PPARGC1A: variants seen among roughly 807,000 people sequenced by gnomAD.
PPARGC1A encodes peroxisome proliferator-activated receptor gamma coactivator 1-alpha.
A neutral mutation model predicts 88.7 loss-of-function variants in PPARGC1A; 25 were observed. The ratio of observed to expected loss-of-function variants is 0.28; its 90% CI spans 0.21 to 0.39. The LOEUF is 0.39. PPARGC1A is among the 10% of genes least tolerant of loss of function. PPARGC1A has a pLI of 1.00. For missense variants in PPARGC1A, 880 were observed against 968.7 expected (o/e 0.91, Z 1.22); for synonymous variants, 363 against 355.6 (o/e 1.02, Z -0.24).
intron 2 of PPARGC1A, among the ~76,000 whole-genome samples, chr4:23,877,339 AC>A (rs2148803375): frequency 7.2e-6 from 1 of 138,296 alleles, no homozygotes; most frequent in African/African-American, 2.7e-5. Flanking sequence ...ACACGGGGAA[AC>A]CCCGTCTCTA....
At chr4:24,030,968 A>C in the PPARGC1A span, among the ~76,000 whole-genome samples, 1 of 152,170 alleles carries the variant, frequency 6.6e-6, no homozygotes, top group Non-Finnish European at 1.5e-5. Context: ...GGAAGCAGAC[A>C]GATATGCAGA....
At chr4:23,976,360 G>A in the PPARGC1A span, among the ~76,000 whole-genome samples, 1 of 152,344 alleles carries the variant, frequency 6.6e-6, no homozygotes, top group Admixed American at 6.5e-5. Context: ...ATATTAAAAG[G>A]AGGGTGAGGG....
At chr4:24,294,129 C>T in the PPARGC1A span, among the ~76,000 whole-genome samples, 3 of 152,120 alleles carry the variant, frequency 2.0e-5, no homozygotes, top group African/African-American at 2.4e-5. Flanking sequence ...ATACCAAAGC[C>T]GAGGCTTTTG....
the PPARGC1A span, among the ~76,000 whole-genome samples, chr4:23,946,153 T>C: frequency 6.6e-6 from 1 of 152,068 alleles, no homozygotes; most frequent in Non-Finnish European, 1.5e-5. Context: ...CATCACAGGG[T>C]ATATATTCTC....
At chr4:24,174,492 A>C in the PPARGC1A span, among the ~76,000 whole-genome samples, 1 of 152,198 alleles carries the variant, frequency 6.6e-6, no homozygotes, top group Non-Finnish European at 1.5e-5. Context: ...TTTACTATAG[A>C]TTTGGTTTCT....
chr4:24,386,179 TA>T, the PPARGC1A span, among the ~76,000 whole-genome samples: 1 of 152,068 alleles, frequency 6.6e-6, no homozygotes, highest in East Asian at 1.9e-4. Flanking sequence ...AGGCCTTCGA[TA>T]AAATTCAACA....
At chr4:24,164,134 T>A in the PPARGC1A span, among the ~76,000 whole-genome samples, 1 of 152,232 alleles carries the variant, frequency 6.6e-6, no homozygotes, top group African/African-American at 2.4e-5. Context: ...TCTTCTCTGA[T>A]ATTAGCTCTT....
chr4:24,226,503 C>T, the PPARGC1A span, among the ~76,000 whole-genome samples: 1 of 152,338 alleles, frequency 6.6e-6, no homozygotes, highest in South Asian at 2.1e-4. Context: ...TCTGTCTGCT[C>T]TTGCCTGCAG....
chr4:23,830,868 AC>A (rs973191214), intron 3 of PPARGC1A, among the ~76,000 whole-genome samples: 73 of 152,332 alleles, frequency 4.8e-4, no homozygotes, highest in African/African-American at 1.7e-3. Flanking sequence ...TTCATTGTCT[AC>A]CATAAATTTA....
chr4:24,366,529 C>G, the PPARGC1A span, among the ~76,000 whole-genome samples: 2 of 152,168 alleles, frequency 1.3e-5, no homozygotes, highest in African/African-American at 4.8e-5. Flanking sequence ...CCCCACAACA[C>G]AACCAACAAC....
the PPARGC1A span, among the ~76,000 whole-genome samples, chr4:24,402,790 G>A: frequency 6.6e-6 from 1 of 152,194 alleles, no homozygotes; most frequent in South Asian, 2.1e-4. Context: ...GCACCTTGAG[G>A]CTGCCCACAA....
At chr4:24,288,714 C>G in the PPARGC1A span, among the ~76,000 whole-genome samples, 1 of 152,094 alleles carries the variant, frequency 6.6e-6, no homozygotes, top group Non-Finnish European at 1.5e-5. Flanking sequence ...AAGAACAAGA[C>G]ATGCACCAAC....
chr4:23,891,116 G>A (rs2148856849), upstream of PPARGC1A, among the ~76,000 whole-genome samples: 1 of 152,278 alleles, frequency 6.6e-6, no homozygotes, highest in South Asian at 2.1e-4. Flanking sequence ...TTGAGACAAT[G>A]AGGGCTAATG....
At chr4:23,802,394 C>T (rs754692475) in intron 10 of PPARGC1A, 49 bp from the exon 11 acceptor site, 1 of 1,611,298 alleles carries the variant, frequency 6.2e-7, no homozygotes, top group Admixed American at 1.7e-5. Flanking sequence ...AAAAGCTAGC[C>T]CTCGGCCGGG....
chr4:24,057,398 G>A, the PPARGC1A span, among the ~76,000 whole-genome samples: 1 of 149,018 alleles, frequency 6.7e-6, no homozygotes, highest in Non-Finnish European at 1.5e-5. Flanking sequence ...TGGTTATACA[G>A]CAATGTGGAT....
the PPARGC1A span, among the ~76,000 whole-genome samples, chr4:24,428,326 C>T: frequency 6.6e-6 from 1 of 152,060 alleles, no homozygotes; most frequent in South Asian, 2.1e-4. Flanking sequence ...GGCAAGAGAG[C>T]CAAGATTTCT....
chr4:24,385,231 A>G, the PPARGC1A span, among the ~76,000 whole-genome samples: 1 of 152,152 alleles, frequency 6.6e-6, no homozygotes, highest in African/African-American at 2.4e-5. Context: ...TCTCTGGGGC[A>G]CCGCTAAAGC....
At chr4:23,962,584 C>T in the PPARGC1A span, among the ~76,000 whole-genome samples, 1 of 152,130 alleles carries the variant, frequency 6.6e-6, no homozygotes, top group African/African-American at 2.4e-5. Flanking sequence ...GCTGACTTTT[C>T]CCAGCCAGGA....
the PPARGC1A span, among the ~76,000 whole-genome samples, chr4:24,012,177 G>A: frequency 4.6e-5 from 7 of 152,150 alleles, no homozygotes; most frequent in African/African-American, 1.4e-4. Context: ...AATATTTTTC[G>A]TGAAGTGTCT....
Sources: gnomAD v4.1 joint callset for allele counts (sites outside exome capture counted in the v4.1 genomes callset) on GRCh38, gnomAD v4.1.1 for gene constraint, MANE v1.5 for transcripts, NCBI Gene and HGNC (gene_info 2026-07-23, HGNC 2026-07-21) for gene names.